TRAF3: variants seen among roughly 807,000 people sequenced by gnomAD.
TRAF3 encodes TNF receptor associated factor 3, also known as TNF receptor-associated factor 3.
Under a neutral mutation model 62.3 loss-of-function variants are expected in TRAF3, and 13 were observed. That is an observed-to-expected ratio of 0.21 (90% CI 0.14 to 0.33). The LOEUF (loss-of-function observed/expected upper bound fraction) is 0.33, where lower values mean the gene tolerates loss of function less well. Ranked by LOEUF, TRAF3 falls within the 10% of genes least tolerant of loss-of-function variation. The probability of loss-of-function intolerance (pLI) is 1.00; values close to 1 mark genes in which losing one functional copy is unlikely to be tolerated. For missense variants in TRAF3, 440 were observed against 741.8 expected (o/e 0.59, Z 4.73); for synonymous variants, 269 against 283.4 (o/e 0.95, Z 0.51).
chr14:102,866,582 G>T (rs1183058946), intron 2 of TRAF3, among the ~76,000 whole-genome samples: 3 of 152,128 alleles, frequency 2.0e-5, no homozygotes, highest in East Asian at 1.9e-4. Context: ...AGTGGTTCAT[G>T]CCTGTAATCC....
intron 1 of TRAF3, among the ~76,000 whole-genome samples, chr14:102,812,702 G>A (rs1338496729): frequency 6.6e-6 from 1 of 151,464 alleles, no homozygotes; most frequent in Non-Finnish European, 1.5e-5. Flanking sequence ...GGCGGATCAC[G>A]AGGTCAGGAG....
chr14:102,856,513 A>G (rs1175381078), intron 2 of TRAF3, among the ~76,000 whole-genome samples: 5 of 152,206 alleles, frequency 3.3e-5, no homozygotes, highest in African/African-American at 9.7e-5. Flanking sequence ...GGTCACTTTC[A>G]TCGCCATCTT....
At chr14:102,898,563 G>A (rs2139979936) in intron 10 of TRAF3, among the ~76,000 whole-genome samples, 1 of 152,352 alleles carries the variant, frequency 6.6e-6, no homozygotes, top group South Asian at 2.1e-4. Flanking sequence ...GATTATTGCT[G>A]TGTTTTGACC....
rs149101152 is a variant in TRAF3, at chr14:102,826,781, G to T, written c.-156-3553G>T. Among the ~76,000 whole-genome samples the T allele has an allele frequency of 3.3e-5, 5 of 152,186 alleles. No homozygotes were observed. The highest frequency in any genetic ancestry group is 4.8e-5 in the African/African-American group (2 of 41,436). The stretch of plus-strand genomic sequence containing the variant: ...AGAAAACCATCTGAGCAGAGGCCGC[G>T]TGGACTGTCACCTCTGTCAGGGGTG... On this transcript the variant is annotated intron_variant, in intron 1 of 11. Transcript: ENST00000392745. The surrounding 1 kb of genome is among the most constrained non-coding windows in gnomAD (Gnocchi z 4.6).
intron 6 of TRAF3, among the ~76,000 whole-genome samples, chr14:102,881,240 T>C (rs1889039155): frequency 6.6e-6 from 1 of 151,900 alleles, no homozygotes; most frequent in African/African-American, 2.4e-5. Flanking sequence ...AAAAATTAGC[T>C]GGGCATGGTA....
chr14:102,870,515 G>T (rs1027711626), intron 3 of TRAF3, 69 bp downstream of exon 3: 3 of 1,580,624 alleles, frequency 1.9e-6, no homozygotes, highest in Non-Finnish European at 1.7e-6. Context: ...TCCTTCATTC[G>T]TTTCTCTAAA....
chr14:102,793,917 C>G (rs1400184073), intron 1 of TRAF3, among the ~76,000 whole-genome samples: 2 of 152,192 alleles, frequency 1.3e-5, no homozygotes, highest in Non-Finnish European at 2.9e-5. Context: ...GATTCTTCTG[C>G]TCCATGTGGC....
rs2140013956 is a variant in TRAF3 at position 102,906,215 on chromosome 14, A to G, written c.*431A>G. ...GGAGAATTTATGAAATAGTAATGCAATTCTGATATCTTCTTTCTAAAATTC... is the reference window on the plus strand; with the variant it reads ...GGAGAATTTATGAAATAGTAATGCAGTTCTGATATCTTCTTTCTAAAATTC... On this transcript the variant is annotated 3_prime_UTR_variant, in exon 12 of 12. Transcript: ENST00000392745. 6.1e-6 allele frequency: 1 copy of G among 165,152 alleles called. No individual in the cohort carries two copies. Among genetic ancestry groups the G allele is most frequent in the African/African-American group, 2.4e-5 (1 of 41,774 alleles). 10.2% of individuals were successfully genotyped at this position (165,152 alleles called of 1,614,324 possible).
chr14:102,799,000 G>A (rs1460798955), intron 1 of TRAF3, among the ~76,000 whole-genome samples: 1 of 152,212 alleles, frequency 6.6e-6, no homozygotes, highest in Non-Finnish European at 1.5e-5. Flanking sequence ...TAGGACTCTT[G>A]TTCAGTTTAC....
intron 1 of TRAF3, among the ~76,000 whole-genome samples, chr14:102,784,673 C>A (rs1448979130): frequency 6.6e-6 from 1 of 152,212 alleles, no homozygotes; most frequent in Non-Finnish European, 1.5e-5. Context: ...TTTCAAGGAG[C>A]TTCCATGTGA....
At chr14:102,812,010 G>A (rs1899211581) in intron 1 of TRAF3, among the ~76,000 whole-genome samples, 1 of 132,266 alleles carries the variant, frequency 7.6e-6, no homozygotes, top group Non-Finnish European at 1.5e-5. Context: ...TGGTCTTCCT[G>A]CTTCAGCCTC....
At chr14:102,904,469 A>G (rs1228010913) in intron 11 of TRAF3, among the ~76,000 whole-genome samples, 1 of 152,088 alleles carries the variant, frequency 6.6e-6, no homozygotes, top group Non-Finnish European at 1.5e-5. Flanking sequence ...TAAGCTCAGG[A>G]GTTTGATGCC....
intron 9 of TRAF3, among the ~76,000 whole-genome samples, chr14:102,895,354 C>T (rs11626584): frequency 0.018 from 2,746 of 152,338 alleles, 32 homozygotes; most frequent in African/African-American, 0.02. Flanking sequence ...TAAAATAAGA[C>T]GGTGATTGCT....
intron 1 of TRAF3, among the ~76,000 whole-genome samples, chr14:102,788,194 G>T (rs562517330): frequency 6.6e-6 from 1 of 152,216 alleles, no homozygotes; most frequent in East Asian, 1.9e-4. Context: ...CTGTGTACTA[G>T]GAGTGTGCCT....
At chr14:102,904,122 C>A (rs1890455945) in intron 11 of TRAF3, among the ~76,000 whole-genome samples, 1 of 152,198 alleles carries the variant, frequency 6.6e-6, no homozygotes, top group Admixed American at 6.5e-5. Context: ...TCCCAGGAAG[C>A]CACAGTGGAG....
rs535217286 is a variant in TRAF3, at chr14:102,777,995, C to T, written c.-157+320C>T. Among the ~76,000 whole-genome samples, 490 of 150,680 alleles carry T rather than the reference C, an allele frequency of 3.3e-3. 3 individuals are homozygous for T. Among genetic ancestry groups the T allele is most frequent in the African/African-American group, 0.011 (474 of 41,318 alleles). On this transcript the variant is annotated intron_variant, in intron 1 of 11. Transcript: ENST00000392745. ...GAAACGGGGCGCGCAGGCCTCGCTA[C>T]GGCCGTGACCCCCGCTGGCGTTGAG...
chr14:102,858,404 C>T (rs920566878), intron 2 of TRAF3, among the ~76,000 whole-genome samples: 1 of 152,166 alleles, frequency 6.6e-6, no homozygotes, highest in African/African-American at 2.4e-5. Context: ...CCACCCACCT[C>T]GGCCTCCCAA....
At chr14:102,778,115 G>T (rs912786517) in intron 1 of TRAF3, among the ~76,000 whole-genome samples, 3 of 150,702 alleles carry the variant, frequency 2.0e-5, no homozygotes, top group Admixed American at 6.6e-5. Flanking sequence ...GGCCGGGGGG[G>T]CCCGGGCGTT....
intron 1 of TRAF3, among the ~76,000 whole-genome samples, chr14:102,792,017 G>A (rs1447835057): frequency 5.4e-5 from 8 of 149,434 alleles, no homozygotes; most frequent in Admixed American, 2.0e-4. Context: ...GATGGGTTTC[G>A]CCATGTTGCC....
Sources: gnomAD v4.1 joint callset for allele counts (sites outside exome capture counted in the v4.1 genomes callset) on GRCh38, gnomAD v4.1.1 for gene constraint, Gnocchi (gnomAD v3.1) non-coding constraint, MANE v1.5 for transcripts, NCBI Gene and HGNC (gene_info 2026-07-23, HGNC 2026-07-21) for gene names.